EFHD1: variants seen among roughly 807,000 people sequenced by gnomAD.
EFHD1 encodes the protein EF-hand domain-containing protein D1.
In EFHD1, 10 loss-of-function variants were observed where a neutral mutation model predicts 17.2. The observed-to-expected ratio is 0.58, with a 90% confidence interval of 0.36 to 0.99. The LOEUF (loss-of-function observed/expected upper bound fraction) is 0.99. Among genes scored for constraint, EFHD1 ranks in the 50% least tolerant of loss-of-function variants. The pLI is 0.01. For missense variants in EFHD1, 310 were observed against 327.5 expected (o/e 0.95, Z 0.41); for synonymous variants, 153 against 142.0 (o/e 1.08, Z -0.55).
intron 3 of EFHD1, among the ~76,000 whole-genome samples, chr2:232,680,927 G>A (rs150800548): frequency 0.015 from 2,232 of 152,290 alleles, 24 homozygotes; most frequent in Non-Finnish European, 0.022. Flanking sequence ...AGCACTTTGG[G>A]AGGCCAAGAC....
chr2:232,674,196 C>T (rs185136358), intron 3 of EFHD1, among the ~76,000 whole-genome samples: 3 of 152,146 alleles, frequency 2.0e-5, no homozygotes, highest in African/African-American at 4.8e-5. Flanking sequence ...CGTGAGCCAC[C>T]GCACCCATGC....
chr2:232,613,767 TAC>T (rs766830646), intron 1 of EFHD1, among the ~76,000 whole-genome samples: 15 of 137,800 alleles, frequency 1.1e-4, no homozygotes, highest in Middle Eastern at 4.3e-3. Context: ...CGCACACACA[TAC>T]ACACACAAAT....
chr2:232,663,551 G>A (rs1246728353), intron 2 of EFHD1, among the ~76,000 whole-genome samples: 1 of 151,954 alleles, frequency 6.6e-6, no homozygotes, highest in Admixed American at 6.6e-5. Context: ...ATTTTTAGTA[G>A]AGATGGGGTT....
chr2:232,668,021 A>T, intron 2 of EFHD1, among the ~76,000 whole-genome samples: 1 of 152,196 alleles, frequency 6.6e-6, no homozygotes, highest in Admixed American at 6.6e-5. Context: ...AAGCATCCAT[A>T]GCTTGCGTGT....
At position 232,681,759 on chromosome 2, in the gene EFHD1, A is replaced by G. The variant is rs1159686321; in HGVS notation, c.*40A>G. 1 of 1,602,292 alleles carries G rather than the reference A, an allele frequency of 6.2e-7. No individual in the cohort carries two copies. The highest frequency in any genetic ancestry group is 1.3e-5 in the African/African-American group (1 of 74,536). ...CCCTCTGCCCACAGCTGTGCCTCAC[A>G]GATGCCCCGAGAAGAGATGACTAGG... On this transcript the variant is annotated 3_prime_UTR_variant, in exon 4 of 4. Transcript: ENST00000264059.
chr2:232,658,414 C>A (rs1038281818), intron 1 of EFHD1, among the ~76,000 whole-genome samples: 1 of 152,170 alleles, frequency 6.6e-6, no homozygotes. Flanking sequence ...GGGCGTTGCT[C>A]ACCCTGAGTG....
chr2:232,618,857 G>A (rs1368781560), intron 1 of EFHD1, among the ~76,000 whole-genome samples: 2 of 151,744 alleles, frequency 1.3e-5, no homozygotes, highest in Admixed American at 6.6e-5. Flanking sequence ...TGAAGTAACC[G>A]GATTGGCTAG....
Position 232,635,770 on chromosome 2 carries a change from G to A in EFHD1, c.302+1764G>A, listed in dbSNP as rs540057884. Among the ~76,000 whole-genome samples, 17 of 152,056 alleles carry A rather than the reference G, an allele frequency of 1.1e-4. No individual in the cohort carries two copies. In the East Asian group the frequency reaches 3.3e-3, roughly 29 times the overall value. On this transcript the variant is annotated intron_variant, in intron 1 of 3. Transcript: ENST00000264059. Reference sequence around the variant, plus strand: ...GGAGGCAAAGGTTGCAGTGAGCAGAGATCACACCATTGCACTCCAGCCAGG... The same window carrying A: ...GGAGGCAAAGGTTGCAGTGAGCAGAAATCACACCATTGCACTCCAGCCAGG...
intron 1 of EFHD1, among the ~76,000 whole-genome samples, chr2:232,625,656 A>G (rs1415776000): frequency 6.6e-6 from 1 of 152,180 alleles, no homozygotes; most frequent in Non-Finnish European, 1.5e-5. Context: ...TAAAAGAAAT[A>G]AGGTAGATTA....
chr2:232,622,951 A>G (rs553992685), intron 1 of EFHD1, among the ~76,000 whole-genome samples: 16 of 152,350 alleles, frequency 1.1e-4, no homozygotes, highest in African/African-American at 3.4e-4. Flanking sequence ...ATTGGATTAC[A>G]TTAAATGTTA....
intron 1 of EFHD1, among the ~76,000 whole-genome samples, chr2:232,614,318 TCTCCTCCCAC>T (rs1693879357): frequency 6.6e-6 from 1 of 152,074 alleles, no homozygotes; most frequent in Non-Finnish European, 1.5e-5. Flanking sequence ...CTCTCCTGCC[TCTCCTCCCAC>T]CTCCTCCATC....
Position 232,641,958 on chromosome 2 carries a change from G to A in EFHD1, c.302+7952G>A, listed in dbSNP as rs76462407. Among the ~76,000 whole-genome samples the A allele has an allele frequency of 9.1e-3, 1,380 of 152,296 alleles. 33 individuals are homozygous for A. The highest frequency in any genetic ancestry group is 0.079 in the East Asian group (410 of 5,162). ...CCTGCATCTGCTTCTTCTGCGGGCT[G>A]AGGAAGCCTCGCAGCTGGCGCTCAC... is the stretch of plus-strand genomic sequence containing the variant. On this transcript the variant is annotated intron_variant, in intron 1 of 3. Transcript: ENST00000264059.
chr2:232,624,090 G>A (rs1694068175), intron 1 of EFHD1, among the ~76,000 whole-genome samples: 1 of 152,190 alleles, frequency 6.6e-6, no homozygotes, highest in South Asian at 2.1e-4. Flanking sequence ...GGTGGGGTCT[G>A]CTCTCCCTCC....
At chr2:232,632,758 T>A (rs1192016237), upstream of EFHD1, among the ~76,000 whole-genome samples, 1 of 152,182 alleles carries the variant, frequency 6.6e-6, no homozygotes, top group Non-Finnish European at 1.5e-5. Context: ...CCTGAGTAGC[T>A]GGGACTACAG....
intron 2 of EFHD1, among the ~76,000 whole-genome samples, chr2:232,668,690 A>G (rs528455415): frequency 6.6e-6 from 1 of 152,140 alleles, no homozygotes; most frequent in African/African-American, 2.4e-5. Flanking sequence ...CTGGAGTGCA[A>G]TGGCGCGATC....
At chr2:232,621,082 G>A (rs1694009569) in intron 1 of EFHD1, among the ~76,000 whole-genome samples, 1 of 152,168 alleles carries the variant, frequency 6.6e-6, no homozygotes, top group South Asian at 2.1e-4. Flanking sequence ...AAGTCAAATG[G>A]AAGTCATTGT....
chr2:232,613,585 A>G (rs1477446600), intron 1 of EFHD1, among the ~76,000 whole-genome samples: 2 of 151,600 alleles, frequency 1.3e-5, no homozygotes, highest in African/African-American at 2.4e-5. Context: ...GAACTACTGC[A>G]CAGGGACAAA....
intron 1 of EFHD1, among the ~76,000 whole-genome samples, chr2:232,614,137 C>A (rs1185515543): frequency 1.3e-5 from 2 of 151,922 alleles, no homozygotes; most frequent in Non-Finnish European, 2.9e-5. Flanking sequence ...TATGTACACA[C>A]ATACATATAC....
chr2:232,655,486 C>T (rs533558493), intron 1 of EFHD1, among the ~76,000 whole-genome samples: 1 of 152,326 alleles, frequency 6.6e-6, no homozygotes, highest in South Asian at 2.1e-4. Flanking sequence ...CTCTGTTTCC[C>T]TCTTGTAAGT....
Sources: allele counts gnomAD v4.1 joint callset (sites outside exome capture counted in the v4.1 genomes callset), GRCh38; gene constraint gnomAD v4.1.1; transcripts MANE v1.5; gene names NCBI Gene and HGNC (gene_info 2026-07-23, HGNC 2026-07-21).